AADACL2: variants seen among roughly 807,000 people sequenced by gnomAD.
The protein encoded by AADACL2 is arylacetamide deacetylase-like 2.
Under a neutral mutation model 22.3 loss-of-function variants are expected in AADACL2, and 23 were observed. That is an observed-to-expected ratio of 1.03 (90% CI 0.74 to 1.46). The LOEUF (loss-of-function observed/expected upper bound fraction) is 1.46. Ranked by LOEUF, AADACL2 falls within the 40% of genes most tolerant of loss-of-function variation. AADACL2 has a pLI of 0.00. For missense variants in AADACL2, 472 were observed against 482.9 expected (o/e 0.98, Z 0.21); for synonymous variants, 177 against 166.2 (o/e 1.07, Z -0.50).
At chr3:151,735,109 T>C (rs1391087247) in intron 1 of AADACL2, among the ~76,000 whole-genome samples, 1 of 152,182 alleles carries the variant, frequency 6.6e-6, no homozygotes, top group Non-Finnish European at 1.5e-5. Context: ...CTGCTAATAG[T>C]TTCCCCTGTA....
In AADACL2 at chr3:151,757,217, C is replaced by A. The variant is rs1713955532; in HGVS notation, c.829C>A (p.Leu277Met). The A allele has an allele frequency of 6.2e-7, 1 of 1,613,686 alleles. No individual in the cohort carries two copies. The highest frequency in any genetic ancestry group is 8.5e-7 in the Non-Finnish European group (1 of 1,179,706). ...ACACATGCCTCTGGAGTCAAGACAT[C>A]TGTTTAAGTTTGTTAACTGGAGTAT... is the stretch of plus-strand genomic sequence containing the variant. ...NQHMPLESRH[L>M]FKFVNWSILL... is the part of the protein sequence containing the mutation. The change falls in exon 5 of 5, where the codon CTG becomes ATG. Residue 277 changes from leucine to methionine, a missense_variant. By Grantham distance (15) the Leu-to-Met change is conservative. Around this residue, in one of 3 missense-constraint regions of AADACL2, gnomAD observed 356 missense variants for 365.5 expected, o/e 0.97. Transcript: ENST00000356517.
intron 4 of AADACL2, among the ~76,000 whole-genome samples, chr3:151,754,203 A>C (rs1713787800): frequency 6.6e-6 from 1 of 152,122 alleles, no homozygotes; most frequent in Non-Finnish European, 1.5e-5. Context: ...GAATGAAAAA[A>C]ACTGATGTAG....
intron 4 of AADACL2, among the ~76,000 whole-genome samples, chr3:151,751,050 G>C (rs192588492): frequency 6.6e-6 from 1 of 152,240 alleles, no homozygotes; most frequent in East Asian, 1.9e-4. Context: ...TCATTGCCAA[G>C]AAGAAAGTTT....
intron 2 of AADACL2, among the ~76,000 whole-genome samples, chr3:151,741,391 G>A (rs1263609828): frequency 3.9e-5 from 6 of 151,956 alleles, no homozygotes; most frequent in South Asian, 2.1e-4. Flanking sequence ...ATAAAATCTC[G>A]GTTCCCTACT....
In AADACL2 at chr3:151,761,208, T is replaced by TATATATATAG. The variant is rs1560290319; in HGVS notation, c.*3623_*3624insGATATATATA. On this transcript the variant is annotated 3_prime_UTR_variant, in exon 5 of 5. Transcript: ENST00000356517. ...GGTGAGATATATACATATTGTGATA[T>TATATATATAG]ATATATATATATATATATATATATA... 1.9e-5 allele frequency: 1 copy of TATATATATAG among 51,528 alleles called. No individual in the cohort carries two copies. The allele number at this position is 51,528 out of a possible 1,614,324, so 3.2% of individuals were successfully genotyped here.
At chr3:151,743,972 G>T in intron 2 of AADACL2, 121 bp from the exon 3 acceptor site, 1 of 953,096 alleles carries the variant, frequency 1.0e-6, no homozygotes. Flanking sequence ...TGGAAATGGG[G>T]GGTGGAAATA....
intron 4 of AADACL2, 39 bp downstream of exon 4, chr3:151,745,719 G>A (rs1268104890): frequency 6.5e-7 from 1 of 1,533,854 alleles, no homozygotes; most frequent in Non-Finnish European, 8.7e-7. Flanking sequence ...GGCAGAAATT[G>A]AGGCTCATTT....
chr3:151,747,650 A>G (rs1713499633), intron 4 of AADACL2, among the ~76,000 whole-genome samples: 1 of 151,524 alleles, frequency 6.6e-6, no homozygotes, highest in South Asian at 2.1e-4. Context: ...AGATACACAC[A>G]CACACACACC....
At chr3:151,738,070 G>A (rs527252167) in intron 1 of AADACL2, among the ~76,000 whole-genome samples, 1 of 152,164 alleles carries the variant, frequency 6.6e-6, no homozygotes, top group East Asian at 1.9e-4. Flanking sequence ...ATATTTTGGT[G>A]TGTTTTTTCA....
Position 151,757,707 on chromosome 3 carries a change from T to C in AADACL2, c.*113T>C, listed in dbSNP as rs1485309706. On this transcript the variant is annotated 3_prime_UTR_variant, in exon 5 of 5. Transcript: ENST00000356517. ...GTTATCTAAATCTACATTTGCAACA[T>C]TTGTAGCAGTTAATGTGTGTCCTTG... 1.5e-6 allele frequency: 2 copies of C among 1,316,154 alleles called. No individual in the cohort carries two copies. Among genetic ancestry groups the C allele is most frequent in the Admixed American group, 4.7e-5 (2 of 42,624 alleles). 81.5% of individuals were successfully genotyped at this position (1,316,154 alleles called of 1,614,324 possible).
At chr3:151,743,489 A>G (rs993182165) in intron 2 of AADACL2, among the ~76,000 whole-genome samples, 1 of 152,116 alleles carries the variant, frequency 6.6e-6, no homozygotes, top group Non-Finnish European at 1.5e-5. Flanking sequence ...GTCAAAACTC[A>G]TATGTATATC....
At chr3:151,747,529 A>G (rs1713493591) in intron 4 of AADACL2, among the ~76,000 whole-genome samples, 2 of 151,948 alleles carry the variant, frequency 1.3e-5, no homozygotes, top group South Asian at 4.2e-4. Flanking sequence ...TATTTCATTC[A>G]GTGTAAGGAC....
Position 151,757,535 on chromosome 3 carries a change from T to A in AADACL2, c.1147T>A (p.Leu383Ile), listed in dbSNP as rs777839489. 9 of 1,613,448 alleles carry A rather than the reference T, an allele frequency of 5.6e-6. No homozygotes were observed. The highest frequency in any genetic ancestry group is 7.6e-6 in the Non-Finnish European group (9 of 1,179,550). Residue 383 changes from leucine to isoleucine, a missense_variant, in exon 5 of 5, where the codon TTA (leucine) becomes ATA (isoleucine). Leu to Ile is a conservative substitution (Grantham distance 5). Coordinates refer to ENST00000356517, the MANE Select transcript of AADACL2 (RefSeq NM_207365.4). Reference protein sequence around the residue: ...ALSFMTSPFYLRLGLRIRDMY... With the variant: ...ALSFMTSPFYIRLGLRIRDMY... Reference sequence around the variant, plus strand: ...ATCATTCATGACTTCACCATTTTATTTACGTCTAGGTCTTAGGATAAGAGA... The same window carrying A: ...ATCATTCATGACTTCACCATTTTATATACGTCTAGGTCTTAGGATAAGAGA...
rs966306228 is a variant in AADACL2, at chr3:151,761,014, C to T, written c.*3420C>T. ...TAACCTGACTGTCTTTGTAAAGACC[C>T]TATCTGCAAATAAAATCACATGTAA... is the stretch of plus-strand genomic sequence containing the variant. On this transcript the variant is annotated 3_prime_UTR_variant, in exon 5 of 5. Transcript: ENST00000356517. The T allele has an allele frequency of 1.3e-5, 2 of 151,450 alleles. No individual in the cohort carries two copies. Among genetic ancestry groups the T allele is most frequent in the African/African-American group, 4.9e-5 (2 of 41,186 alleles). 9.4% of individuals were successfully genotyped at this position (151,450 alleles called of 1,614,324 possible). A position where few individuals can be genotyped will look rare whatever the true frequency, so the allele number is the denominator to read the frequency against.
At chr3:151,740,487 TAAG>T (rs1713243058) in intron 1 of AADACL2, among the ~76,000 whole-genome samples, 156 bp from the exon 2 acceptor site, 1 of 152,236 alleles carries the variant, frequency 6.6e-6, no homozygotes. Flanking sequence ...GGTTATGCAA[TAAG>T]ATCTTTACAG....
intron 4 of AADACL2, chr3:151,751,412 A>C (rs1402655464): frequency 7.9e-5 from 12 of 152,170 alleles, no homozygotes; most frequent in Admixed American, 7.9e-4. Context: ...GCATAACTGA[A>C]ACAACAATTG....
chr3:151,752,382 C>T (rs967512908), intron 4 of AADACL2, among the ~76,000 whole-genome samples: 1 of 152,176 alleles, frequency 6.6e-6, no homozygotes, highest in South Asian at 2.1e-4. Context: ...CTCTTGTGGA[C>T]TTGGTCCACT....
At chr3:151,755,704 T>TA (rs1713872364) in intron 4 of AADACL2, among the ~76,000 whole-genome samples, 1 of 152,154 alleles carries the variant, frequency 6.6e-6, no homozygotes, top group Admixed American at 6.6e-5. Context: ...AGTGACTTAT[T>TA]TCATATGGCA....
chr3:151,734,027 AGGGATATTATG>A lies in AADACL2; in HGVS notation c.-5_6del, dbSNP rs765506916. ...TCAGTACTGTGAAGAAGCTGGAAAA[AGGGATATTATG>A]GGGCTAAAAGCTCTCTGTTTGGGGC... is the stretch of plus-strand genomic sequence containing the variant. On this transcript the variant is annotated start_lost and 5_prime_UTR_variant, in exon 1 of 5. Coordinates refer to ENST00000356517, the MANE Select transcript of AADACL2 (RefSeq NM_207365.4). The A allele has an allele frequency of 6.3e-7, 1 of 1,598,882 alleles. No individual in the cohort carries two copies. Among genetic ancestry groups the A allele is most frequent in the Non-Finnish European group, 8.5e-7 (1 of 1,172,100 alleles).
Sources: gnomAD v4.1 joint callset for allele counts (sites outside exome capture counted in the v4.1 genomes callset) on GRCh38, gnomAD v4.1.1 for gene constraint, gnomAD v4.1.1 regional missense constraint, MANE v1.5 for transcripts, NCBI Gene and HGNC (gene_info 2026-07-23, HGNC 2026-07-21) for gene names.